The following SEM1 variants were observed in gnomAD, a reference collection of about 807,000 sequenced individuals.
SEM1 encodes SEM1 26S proteasome subunit.
In SEM1, 3 loss-of-function variants were observed where a neutral mutation model predicts 12.7. That is an observed-to-expected ratio of 0.24 (90% confidence interval 0.11 to 0.61). SEM1 has a LOEUF of 0.61. SEM1 is among the 20% of genes least tolerant of loss of function. The pLI, the probability that SEM1 is intolerant of heterozygous loss-of-function variation, is 0.88. For synonymous variants in SEM1, 30 were observed against 27.8 expected (o/e 1.08, Z -0.25); for missense variants, 59 against 81.3 (o/e 0.73, Z 1.06).
chr7:96,597,314 T>C (rs1807031218), intron 2 of SEM1, among the ~76,000 whole-genome samples: 1 of 152,136 alleles, frequency 6.6e-6, no homozygotes, highest in Non-Finnish European at 1.5e-5. Context: ...GACCCAAAGT[T>C]TACCTTAGAT....
chr7:96,602,836 C>T (rs1336815359), intron 2 of SEM1, among the ~76,000 whole-genome samples: 1 of 152,196 alleles, frequency 6.6e-6, no homozygotes, highest in Admixed American at 6.5e-5. Flanking sequence ...CTTCCTCAAT[C>T]TTGCTCAGCT....
downstream of SEM1, among the ~76,000 whole-genome samples, chr7:96,687,534 C>T (rs1003855703): frequency 6.7e-6 from 1 of 148,794 alleles, no homozygotes; most frequent in Non-Finnish European, 1.5e-5. Flanking sequence ...ATCGCAAGGA[C>T]AAAAAACCAA....
At chr7:96,665,888 G>C (rs1341008411) in intron 2 of SEM1, among the ~76,000 whole-genome samples, 1 of 152,230 alleles carries the variant, frequency 6.6e-6, no homozygotes, top group Non-Finnish European at 1.5e-5. Flanking sequence ...AATCCTGTGA[G>C]ATACCAGCCC....
chr7:96,618,483 C>CT (rs1225975673), downstream of SEM1, among the ~76,000 whole-genome samples: 3 of 152,114 alleles, frequency 2.0e-5, no homozygotes, highest in African/African-American at 7.2e-5. Context: ...AGTTTATAAA[C>CT]TTTTTTATCC....
exon 1 of SEM1, chr7:96,496,295 T>C (rs1251644188): frequency 6.6e-7 from 1 of 1,521,048 alleles, no homozygotes. Flanking sequence ...TGGCAATACA[T>C]GTTCTTCCTT....
At chr7:96,642,840 C>T (rs926474507) in intron 2 of SEM1, among the ~76,000 whole-genome samples, 4 of 151,896 alleles carry the variant, frequency 2.6e-5, no homozygotes, top group African/African-American at 9.7e-5. Context: ...AAGCAGTCTC[C>T]TTTCTTCCAA....
chr7:96,674,303 G>A (rs1026517880), intron 2 of SEM1, among the ~76,000 whole-genome samples: 1 of 152,018 alleles, frequency 6.6e-6, no homozygotes, highest in Admixed American at 6.6e-5. Context: ...AATATTACTA[G>A]GGCTTATAGA....
At chr7:96,553,168 T>G (rs2115855922) in intron 2 of SEM1, among the ~76,000 whole-genome samples, 1 of 151,208 alleles carries the variant, frequency 6.6e-6, no homozygotes, top group East Asian at 1.9e-4. Context: ...GATGGTAGTT[T>G]CTTTTGCTGT....
At position 96,483,680 on chromosome 7, in the gene SEM1, T is replaced by A. The variant is rs1802634048; in HGVS notation, c.*179A>T. ...TGTATTAACAATTAAATGCTTCTAATCATAATTCATCTGTCTGAACTTGTC... is the reference window on the plus strand; with the variant it reads ...TGTATTAACAATTAAATGCTTCTAAACATAATTCATCTGTCTGAACTTGTC... On this transcript the variant is annotated 3_prime_UTR_variant, in exon 4 of 4. Transcript: ENST00000356686. The A allele has an allele frequency of 7.3e-6, 5 of 686,440 alleles. No homozygotes were observed. In the South Asian group the frequency reaches 8.8e-5, roughly 12 times the overall value. 42.5% of individuals were successfully genotyped at this position (686,440 alleles called of 1,614,324 possible).
chr7:96,624,775 A>G (rs557184817), intron 2 of SEM1, among the ~76,000 whole-genome samples: 1 of 152,128 alleles, frequency 6.6e-6, no homozygotes, highest in African/African-American at 2.4e-5. Context: ...AGGAAGGGAT[A>G]TAAGGTGTAA....
At chr7:96,596,928 T>G (rs1807015151) in intron 2 of SEM1, among the ~76,000 whole-genome samples, 1 of 152,086 alleles carries the variant, frequency 6.6e-6, no homozygotes, top group Non-Finnish European at 1.5e-5. Context: ...TCCCCAGATA[T>G]CAGAGGCAAA....
At chr7:96,508,113 G>A (rs1438248725) in intron 2 of SEM1, among the ~76,000 whole-genome samples, 1 of 151,906 alleles carries the variant, frequency 6.6e-6, no homozygotes, top group African/African-American at 2.4e-5. Flanking sequence ...GTAGAAATGG[G>A]GTGAGTCTCT....
intron 2 of SEM1, among the ~76,000 whole-genome samples, chr7:96,520,875 T>C (rs1804246288): frequency 6.6e-6 from 1 of 151,972 alleles, no homozygotes; most frequent in African/African-American, 2.4e-5. Context: ...GGCCCACTGA[T>C]CCCAGCTTGC....
At chr7:96,504,631 T>C (rs897338283) in intron 3 of SEM1, among the ~76,000 whole-genome samples, 5 of 152,118 alleles carry the variant, frequency 3.3e-5, no homozygotes, top group Admixed American at 2.6e-4. Context: ...TAAGAAATCA[T>C]GCAAATTATA....
At chr7:96,549,352 G>A (rs1805195379) in intron 2 of SEM1, among the ~76,000 whole-genome samples, 1 of 152,172 alleles carries the variant, frequency 6.6e-6, no homozygotes, top group African/African-American at 2.4e-5. Context: ...TGCCAAAAAG[G>A]CGGAGGACTT....
chr7:96,526,882 T>C lies in SEM1; in HGVS notation c.171-20184A>G, dbSNP rs554261624. The stretch of plus-strand genomic sequence containing the variant: ...CCTCCTTAAAAAAAAAAGTTATTGC[T>C]CATGATTTTGTCCCTTACTCTAAAA... On this transcript the variant is annotated intron_variant and NMD_transcript_variant, in intron 2 of 3. Coordinates refer to the SEM1 transcript ENST00000466986. Among the ~76,000 whole-genome samples the C allele has an allele frequency of 2.6e-5, 4 of 152,078 alleles. No individual in the cohort carries two copies. In the South Asian group the frequency reaches 8.3e-4, roughly 32 times the overall value.
chr7:96,483,626 T>A, exon 4 of SEM1: 8 of 513,112 alleles, frequency 1.6e-5, no homozygotes, highest in South Asian at 1.0e-4. Flanking sequence ...TTGTCAGTTG[T>A]GATGACAGAG....
intron 1 of SEM1, among the ~76,000 whole-genome samples, chr7:96,699,645 T>C (rs1790209297): frequency 6.6e-6 from 1 of 152,232 alleles, no homozygotes; most frequent in Non-Finnish European, 1.5e-5. Flanking sequence ...ACCCCTTTCC[T>C]ACGTTTCTTT....
At chr7:96,661,535 A>G (rs934022613) in intron 2 of SEM1, among the ~76,000 whole-genome samples, 1 of 152,230 alleles carries the variant, frequency 6.6e-6, no homozygotes, top group African/African-American at 2.4e-5. Context: ...CTTGCTATAC[A>G]TTGTATTGAC....
Sources: allele counts gnomAD v4.1 joint callset (sites outside exome capture counted in the v4.1 genomes callset), GRCh38; gene constraint gnomAD v4.1.1; transcripts MANE v1.5; gene names NCBI Gene and HGNC (gene_info 2026-07-23, HGNC 2026-07-21).